NUBP1: variants seen among roughly 807,000 people sequenced by gnomAD.
NUBP1 encodes cytosolic Fe-S cluster assembly factor NUBP1.
In NUBP1, 46 loss-of-function variants were observed where a neutral mutation model predicts 41.8. The ratio of observed to expected loss-of-function variants is 1.10; its 90% CI spans 0.87 to 1.41. NUBP1 has a LOEUF of 1.41. Among genes scored for constraint, NUBP1 ranks in the 40% most tolerant of loss-of-function variants. NUBP1 has a pLI of 0.00. For synonymous variants in NUBP1, 189 were observed against 154.6 expected (o/e 1.22, Z -1.65); for missense variants, 494 against 414.0 (o/e 1.19, Z -1.68).
intron 4 of NUBP1, among the ~76,000 whole-genome samples, chr16:10,753,727 C>T (rs944232502): frequency 6.6e-6 from 1 of 151,840 alleles, no homozygotes; most frequent in East Asian, 1.9e-4. Flanking sequence ...GTCAGAGGGG[C>T]TGAGGGGTGG....
chr16:10,762,329 G>T (rs769138980), intron 9 of NUBP1, among the ~76,000 whole-genome samples: 28 of 152,184 alleles, frequency 1.8e-4, no homozygotes, highest in Admixed American at 4.6e-4. Context: ...TCACTGGCCT[G>T]CGAGCAGGGG....
chr16:10,748,414 C>G (rs548236148), intron 3 of NUBP1, among the ~76,000 whole-genome samples: 1 of 152,240 alleles, frequency 6.6e-6, no homozygotes, highest in South Asian at 2.1e-4. Context: ...AGCATGAAAA[C>G]TCAGATTACC....
rs1321665876 is a variant in NUBP1 at position 10,766,216 on chromosome 16, G to C, written c.821-1733G>C. The C allele has an allele frequency of 6.6e-6, 1 of 152,386 alleles. No homozygotes were observed. Among genetic ancestry groups the C allele is most frequent in the African/African-American group, 2.4e-5 (1 of 41,446 alleles). 9.4% of individuals were successfully genotyped at this position (152,386 alleles called of 1,614,324 possible). ...TCCGCCACCACTAGCTGTGGGACTTGGGCTAGTCATTTCCGCTCTCAGCCT... is the reference window on the plus strand; with the variant it reads ...TCCGCCACCACTAGCTGTGGGACTTCGGCTAGTCATTTCCGCTCTCAGCCT... On this transcript the variant is annotated intron_variant, in intron 9 of 10. Coordinates refer to ENST00000283027, the MANE Select transcript of NUBP1 (RefSeq NM_002484.4). The surrounding 1 kb of genome is among the most constrained non-coding windows in gnomAD (Gnocchi z 4.8).
chr16:10,763,831 C>T (rs2030394826), intron 9 of NUBP1: 1 of 157,534 alleles, frequency 6.3e-6, no homozygotes, highest in Non-Finnish European at 1.4e-5. Flanking sequence ...AACATATCAG[C>T]CCGAAAGAGC....
At chr16:10,744,106 A>G in intron 2 of NUBP1, 41 bp downstream of exon 2, 1 of 1,033,356 alleles carries the variant, frequency 9.7e-7, no homozygotes, top group Non-Finnish European at 1.3e-6. Context: ...TTAGAGGCGC[A>G]GGCCCGGAAA....
In NUBP1 at chr16:10,744,136, G is replaced by A. The variant is rs537526750; in HGVS notation, c.124+71G>A. 253 of 1,260,122 alleles carry A rather than the reference G, an allele frequency of 2.0e-4. 3 individuals are homozygous for A. In the African/African-American group the frequency reaches 3.5e-3, roughly 18 times the overall value. 78.1% of individuals were successfully genotyped at this position (1,260,122 alleles called of 1,614,324 possible). ...CGGAAAAGGCGGGGCGTGGGAGGGA[G>A]GGGGCGGGATCTGCAGAATGACTGA... On this transcript the variant is annotated intron_variant, in intron 2 of 10. Transcript: ENST00000283027.
rs1464852088 is a variant in NUBP1 at position 10,769,050 on chromosome 16, T to G, written c.908T>G (p.Ile303Ser). The change falls in exon 11 of 11, where the codon ATC (isoleucine) becomes AGC (serine). Residue 303 changes from isoleucine to serine, a missense_variant. By Grantham distance (142) the Ile-to-Ser change is moderately radical. Coordinates refer to ENST00000283027, the MANE Select transcript of NUBP1 (RefSeq NM_002484.4). The stretch of plus-strand genomic sequence containing the variant: ...TGCCTGTCGTCTTGTTTTCCAGGAA[T>G]CCAAGAGTTTTGTAATCTCCATCAG... ...TLAYRSIIQR[I>S]QEFCNLHQSK... 1.2e-6 allele frequency: 2 copies of G among 1,613,838 alleles called. No individual in the cohort carries two copies. Among genetic ancestry groups the G allele is most frequent in the African/African-American group, 2.7e-5 (2 of 74,888 alleles).
chr16:10,753,360 A>C (rs908636185), intron 4 of NUBP1, among the ~76,000 whole-genome samples: 1 of 152,166 alleles, frequency 6.6e-6, no homozygotes, highest in African/African-American at 2.4e-5. Context: ...AAGCAAGGGA[A>C]TATTTCTGCC....
Position 10,764,485 on chromosome 16 carries a change from A to G in NUBP1, c.820+2626A>G, listed in dbSNP as rs2466119. 3.9e-3 allele frequency among the ~76,000 whole-genome samples: 469 copies of G among 120,684 alleles called. 1 individual carries two copies. Among genetic ancestry groups the G allele is most frequent in the Middle Eastern group, 0.021 (3 of 140 alleles). 79.2% of individuals were successfully genotyped at this position (120,684 alleles called of 152,430 possible). On this transcript the variant is annotated intron_variant, in intron 9 of 10. Transcript: ENST00000283027. ...TCAGTCTGCTGGAGTATGTCAGTCT[A>G]TTGGAGCATCTCAGTCTGCTGGAGT...
In NUBP1 at chr16:10,767,998, C is replaced by T; in HGVS notation, c.870C>T (p.Ser290=). 6.2e-7 allele frequency: 1 copy of T among 1,614,036 alleles called. No homozygotes were observed. Among genetic ancestry groups the T allele is most frequent in the Non-Finnish European group, 8.5e-7 (1 of 1,180,012 alleles). ...CTTTTTTCATTGACGCCCCAGATTC[C>T]CCAGCCACGTTAGCCTACAGAAGTA... ...GQSFFIDAPD[S]PATLAYRSII... The change falls in exon 10 of 11, where the codon TCC becomes TCT. Residue 290 remains serine, a synonymous_variant. Coordinates refer to ENST00000283027, the MANE Select transcript of NUBP1 (RefSeq NM_002484.4). The surrounding 1 kb of genome is among the most constrained non-coding windows in gnomAD (Gnocchi z 4.6).
intron 9 of NUBP1, among the ~76,000 whole-genome samples, chr16:10,762,802 GGGGGCCGCGTGCTTGGGGAGAGGGC>G (rs1365956665): frequency 6.6e-6 from 1 of 152,142 alleles, no homozygotes; most frequent in Non-Finnish European, 1.5e-5. Flanking sequence ...AGGAGAGGGT[GGGGGCCGCGTGCTTGGGGAGAGGGC>G]GGGGCCCGTG....
At position 10,758,034 on chromosome 16, in the gene NUBP1, G is replaced by A. The variant is rs762823254; in HGVS notation, c.606+7G>A. 1.6e-5 allele frequency: 25 copies of A among 1,610,908 alleles called. No individual in the cohort carries two copies. Among genetic ancestry groups the A allele is most frequent in the Admixed American group, 3.3e-5 (2 of 59,924 alleles). Reference sequence around the variant, plus strand: ...GATCATCACCACTCCCCAGGTGAGCGAGCTGCCAGCTGGAGCTGGGTCCAA... The same window carrying A: ...GATCATCACCACTCCCCAGGTGAGCAAGCTGCCAGCTGGAGCTGGGTCCAA... On this transcript the variant is annotated splice_region_variant and intron_variant, in intron 7 of 10. Transcript: ENST00000283027.
In NUBP1 at chr16:10,744,253, G is replaced by A. The variant is rs572261292; in HGVS notation, c.124+188G>A. On this transcript the variant is annotated intron_variant, in intron 2 of 10. Transcript: ENST00000283027. ...GTGGGCAGGGTGAGGGCGGAGCTTG[G>A]AATGACTGACAGGAACGAGGCCTTT... Among the ~76,000 whole-genome samples the A allele has an allele frequency of 2.5e-3, 383 of 152,318 alleles. 1 individual carries two copies. Among genetic ancestry groups the A allele is most frequent in the African/African-American group, 8.8e-3 (366 of 41,560 alleles).
Position 10,756,781 on chromosome 16 carries a change from G to T in NUBP1, c.451+1G>T, listed in dbSNP as rs1297890117. The T allele has an allele frequency of 6.3e-7, 1 of 1,590,058 alleles. No individual in the cohort carries two copies. On this transcript the variant is annotated splice_donor_variant, in intron 6 of 10. Transcript: ENST00000283027. LOFTEE classifies it high-confidence loss of function. ...ATCTGGAGGGGACCCAAGAAAAACGGTTTGCCACTCTGCCTTTTTTTGTCT... is the reference window on the plus strand; with the variant it reads ...ATCTGGAGGGGACCCAAGAAAAACGTTTTGCCACTCTGCCTTTTTTTGTCT...
In NUBP1 at chr16:10,757,753, CAG is replaced by C; in HGVS notation, c.452-117_452-116del. Reference sequence around the variant, plus strand: ...TGAGGTGGGAGGATTGCTTGAGCCTCAGAGTTAAGAGCCAACCTGGGCAACAT... The same window carrying C: ...TGAGGTGGGAGGATTGCTTGAGCCTCAGTTAAGAGCCAACCTGGGCAACAT... On this transcript the variant is annotated intron_variant, in intron 6 of 10. Transcript: ENST00000283027. This position sits in a 1 kb window ranked among gnomAD's most constrained non-coding sequence, Gnocchi z 4.1. 1.3e-5 allele frequency: 16 copies of C among 1,248,336 alleles called. No individual in the cohort carries two copies. Among genetic ancestry groups the C allele is most frequent in the Non-Finnish European group, 1.8e-5 (16 of 898,238 alleles). The allele number at this position is 1,248,336 out of a possible 1,614,324, so 77.3% of individuals were successfully genotyped here.
Position 10,749,049 on chromosome 16 carries a change from C to A in NUBP1, c.258+1773C>A, listed in dbSNP as rs1230296650. Among the ~76,000 whole-genome samples the A allele has an allele frequency of 6.6e-6, 1 of 151,158 alleles. No homozygotes were observed. The highest frequency in any genetic ancestry group is 1.5e-5 in the Non-Finnish European group (1 of 67,838). On this transcript the variant is annotated intron_variant, in intron 3 of 10. Transcript: ENST00000283027. This position sits in a 1 kb window ranked among gnomAD's most constrained non-coding sequence, Gnocchi z 4.1. Reference sequence around the variant, plus strand: ...GAGGTCGCGGTGGGCCAAGATTGCCCTACTGCACTCCAGCCTGGGTGACAG... The same window carrying A: ...GAGGTCGCGGTGGGCCAAGATTGCCATACTGCACTCCAGCCTGGGTGACAG...
chr16:10,763,364 G>T (rs1418373755), intron 9 of NUBP1, among the ~76,000 whole-genome samples: 1 of 152,126 alleles, frequency 6.6e-6, no homozygotes, highest in East Asian at 1.9e-4. Context: ...GGGGTAGGGT[G>T]CGAGGGCCAC....
At position 10,757,950 on chromosome 16, in the gene NUBP1, T is replaced by C. The variant is rs765868039; in HGVS notation, c.529T>C (p.Ser177Pro). The C allele has an allele frequency of 3.1e-6, 5 of 1,613,814 alleles. No homozygotes were observed. The highest frequency in any genetic ancestry group is 4.2e-6 in the Non-Finnish European group (5 of 1,179,998). The change falls in exon 7 of 11, where the codon TCG (serine) becomes CCG (proline). Residue 177 changes from serine to proline, a missense_variant. Physicochemically the swap from Ser to Pro is moderately conservative, Grantham distance 74. Coordinates refer to ENST00000283027, the MANE Select transcript of NUBP1 (RefSeq NM_002484.4). This position sits in a 1 kb window ranked among gnomAD's most constrained non-coding sequence, Gnocchi z 4.1. Reference protein sequence around the residue: ...YLIVDTPPGTSDEHLSVVRYL... With the variant: ...YLIVDTPPGTPDEHLSVVRYL... Reference sequence around the variant, plus strand: ...CATTGTGGACACCCCACCTGGGACGTCGGATGAACACCTCTCGGTCGTCCG... The same window carrying C: ...CATTGTGGACACCCCACCTGGGACGCCGGATGAACACCTCTCGGTCGTCCG...
At chr16:10,755,175 G>T (rs1352873549) in intron 4 of NUBP1, among the ~76,000 whole-genome samples, 1 of 152,192 alleles carries the variant, frequency 6.6e-6, no homozygotes, top group Non-Finnish European at 1.5e-5. Flanking sequence ...GAAAAGTAAG[G>T]CTTCATCAAG....
Sources: gnomAD v4.1 joint callset for allele counts (sites outside exome capture counted in the v4.1 genomes callset) on GRCh38, gnomAD v4.1.1 for gene constraint, Gnocchi (gnomAD v3.1) non-coding constraint, MANE v1.5 for transcripts, NCBI Gene and HGNC (gene_info 2026-07-23, HGNC 2026-07-21) for gene names.